Variants in ZNF609 observed in about 807,000 individuals in gnomAD.
ZNF609 encodes the protein zinc finger protein 609.
ZNF609 carries 11 observed loss-of-function variants against 109.5 expected under a neutral mutation model. The observed-to-expected ratio is 0.10, with a 90% CI of 0.06 to 0.17. ZNF609 has a LOEUF of 0.17. Ranked by LOEUF, ZNF609 falls within the 10% of genes least tolerant of loss-of-function variation. ZNF609 has a pLI of 1.00. For missense variants in ZNF609, 1,559 were observed against 1,772.4 expected, an observed-to-expected ratio of 0.88 and a Z score of 2.16; for synonymous variants, 646 against 662.0, an observed-to-expected ratio of 0.98 and a Z score of 0.37.
chr15:64,561,172 T>C (rs1234066516), intron 2 of ZNF609, among the ~76,000 whole-genome samples: 2 of 152,238 alleles, frequency 1.3e-5, no homozygotes, highest in Non-Finnish European at 2.9e-5. Context: ...AGTTATCAGC[T>C]CTTCCATACT....
At chr15:64,637,506 T>C (rs1317373932) in intron 3 of ZNF609, among the ~76,000 whole-genome samples, 3 of 152,210 alleles carry the variant, frequency 2.0e-5, no homozygotes, top group African/African-American at 7.2e-5. Flanking sequence ...CTACTTCCAA[T>C]GTATTAGAAT....
intron 2 of ZNF609, among the ~76,000 whole-genome samples, chr15:64,613,717 A>AT (rs1895752776): frequency 6.6e-6 from 1 of 151,452 alleles, no homozygotes; most frequent in Non-Finnish European, 1.5e-5. Flanking sequence ...TGCCCGGCTA[A>AT]TTTTTTGTAT....
chr15:64,476,273 C>G (rs888416434), intron 1 of ZNF609, among the ~76,000 whole-genome samples: 1 of 119,154 alleles, frequency 8.4e-6, no homozygotes, highest in Non-Finnish European at 1.8e-5. Context: ...TGTTTAAGAT[C>G]AATGAACAAA....
chr15:64,668,996 A>G (rs1311126340), intron 3 of ZNF609, among the ~76,000 whole-genome samples: 1 of 151,934 alleles, frequency 6.6e-6, no homozygotes, highest in Non-Finnish European at 1.5e-5. Context: ...AATGCCAAAA[A>G]AAAACCCTAT....
intron 2 of ZNF609, among the ~76,000 whole-genome samples, chr15:64,569,385 A>C (rs1894826319): frequency 6.6e-6 from 1 of 152,210 alleles, no homozygotes; most frequent in Admixed American, 6.5e-5. Flanking sequence ...ATGCCTAATA[A>C]ATATTTGTTG....
chr15:64,496,040 A>G (rs981177685), intron 1 of ZNF609, among the ~76,000 whole-genome samples: 1 of 151,880 alleles, frequency 6.6e-6, no homozygotes, highest in Non-Finnish European at 1.5e-5. Flanking sequence ...GCTGGTCTTG[A>G]ACTCCTGACC....
At chr15:64,561,167 T>C (rs185172765) in intron 2 of ZNF609, among the ~76,000 whole-genome samples, 5 of 152,350 alleles carry the variant, frequency 3.3e-5, no homozygotes, top group Non-Finnish European at 2.9e-5. Context: ...TATTCAGTTA[T>C]CAGCTCTTCC....
chr15:64,584,720 C>T (rs1404000093), intron 2 of ZNF609, among the ~76,000 whole-genome samples: 1 of 151,864 alleles, frequency 6.6e-6, no homozygotes, highest in Non-Finnish European at 1.5e-5. Flanking sequence ...CCTCTGCCTC[C>T]CAAGTTCAAG....
chr15:64,473,191 CT>C (rs951319279), intron 1 of ZNF609, among the ~76,000 whole-genome samples: 49 of 76,070 alleles, frequency 6.4e-4, no homozygotes, highest in Middle Eastern at 0.011. Context: ...ATATTTGGTT[CT>C]TTTTTTTTTT....
chr15:64,585,551 A>G (rs1052199191), intron 2 of ZNF609, among the ~76,000 whole-genome samples: 4 of 152,158 alleles, frequency 2.6e-5, no homozygotes, highest in South Asian at 2.1e-4. Context: ...TAAGATATCC[A>G]TTTTTTGGAA....
intron 2 of ZNF609, among the ~76,000 whole-genome samples, chr15:64,586,634 C>A (rs116647868): frequency 5.7e-4 from 86 of 152,146 alleles, no homozygotes; most frequent in African/African-American, 2.0e-3. Flanking sequence ...TAGCCCTGAA[C>A]CATCCCCCGT....
At chr15:64,529,560 G>T (rs892082869) in intron 2 of ZNF609, 18 of 1,363,186 alleles carry the variant, frequency 1.3e-5, no homozygotes, top group Non-Finnish European at 1.5e-5. Context: ...TGAGGTCAAT[G>T]AAGGGGTCAT....
intron 2 of ZNF609, among the ~76,000 whole-genome samples, chr15:64,541,047 A>C (rs1362944886): frequency 2.0e-5 from 3 of 148,150 alleles, no homozygotes; most frequent in Non-Finnish European, 3.0e-5. Flanking sequence ...AAAAAAAAAA[A>C]CTTTTGTGTC....
chr15:64,633,138 CGTTTT>C (rs72458134), intron 3 of ZNF609, among the ~76,000 whole-genome samples: 17,333 of 148,664 alleles, frequency 0.12, 1,611 homozygotes, highest in African/African-American at 0.26. Flanking sequence ...AGAAGTGACA[CGTTTT>C]GTTTTGTTTT....
Position 64,499,293 on chromosome 15 carries a change from C to G in ZNF609, c.-127C>G, listed in dbSNP as rs937920331. The G allele has an allele frequency of 1.6e-6, 2 of 1,267,110 alleles. No homozygotes were observed. Among genetic ancestry groups the G allele is most frequent in the African/African-American group, 3.0e-5 (2 of 66,920 alleles). The allele number at this position is 1,267,110 out of a possible 1,614,324, so 78.5% of individuals were successfully genotyped here. A position where few individuals can be genotyped will look rare whatever the true frequency, so the allele number is the denominator to read the frequency against. On this transcript the variant is annotated splice_region_variant and 5_prime_UTR_variant, in exon 2 of 10. Coordinates refer to ENST00000326648, the MANE Select transcript of ZNF609 (RefSeq NM_015042.2). ...AGCTTTTTAAATTTTCTTTTTCCAG[C>G]AATGATGTTGTCCACTGGGCATGTA...
chr15:64,674,592 T>A lies in ZNF609; in HGVS notation c.1738T>A (p.Ser580Thr), dbSNP rs1190113400. 8 of 1,613,882 alleles carry A rather than the reference T, an allele frequency of 5.0e-6. No individual in the cohort carries two copies. Among genetic ancestry groups the A allele is most frequent in the Non-Finnish European group, 6.8e-6 (8 of 1,179,998 alleles). Residue 580 changes from serine (S) to threonine (T), a missense_variant, in exon 5 of 10, where the codon TCA (serine) becomes ACA (threonine). Physicochemically the swap from Ser to Thr is moderately conservative, Grantham distance 58. Transcript: ENST00000326648. ...TGTAGAGCCCCATAGCCCTTCTCCT[T>A]CAAGCAAATTCAGCACAAAAGGCCT... ...RLVEPHSPSPSSKFSTKGLCK... is the reference protein window; with the variant it reads ...RLVEPHSPSPTSKFSTKGLCK...
intron 1 of ZNF609, among the ~76,000 whole-genome samples, chr15:64,485,097 A>G (rs1893314607): frequency 6.6e-6 from 1 of 152,222 alleles, no homozygotes; most frequent in Admixed American, 6.5e-5. Flanking sequence ...CAAAGATAAA[A>G]ATAAACTTCC....
chr15:64,496,408 C>T (rs1893483419), intron 1 of ZNF609, among the ~76,000 whole-genome samples: 1 of 152,060 alleles, frequency 6.6e-6, no homozygotes, highest in Non-Finnish European at 1.5e-5. Flanking sequence ...GTGAGTAACC[C>T]TTAGATTAAT....
intron 2 of ZNF609, among the ~76,000 whole-genome samples, chr15:64,521,613 G>T (rs146841196): frequency 2.8e-4 from 43 of 152,288 alleles, no homozygotes; most frequent in African/African-American, 9.9e-4. Context: ...GAGGAATTTA[G>T]GTAGAATCAA....
Sources: allele counts gnomAD v4.1 joint callset (sites outside exome capture counted in the v4.1 genomes callset), GRCh38; gene constraint gnomAD v4.1.1; transcripts MANE v1.5; gene names NCBI Gene and HGNC (gene_info 2026-07-23, HGNC 2026-07-21).